Variants in CDH13 observed in about 807,000 individuals in gnomAD.
CDH13 encodes the protein cadherin 13.
In CDH13, 24 loss-of-function variants were observed where a neutral mutation model predicts 63.8. The ratio of observed to expected loss-of-function variants is 0.38; its 90% confidence interval spans 0.27 to 0.53. CDH13 has a LOEUF of 0.53. CDH13 is among the 20% of genes least tolerant of loss of function. The pLI is 0.85. For synonymous variants in CDH13, 503 were observed against 355.3 expected (o/e 1.42, Z -4.67); for missense variants, 1,049 against 903.1 (o/e 1.16, Z -2.07).
chr16:83,165,083 GAAA>G (rs397774378), intron 4 of CDH13, among the ~76,000 whole-genome samples: 2 of 127,430 alleles, frequency 1.6e-5, no homozygotes, highest in Non-Finnish European at 1.7e-5. Context: ...AGAAGCAGGA[GAAA>G]AAAAAAAAAA....
chr16:83,544,532 G>A lies in CDH13; in HGVS notation c.960+57877G>A, dbSNP rs181973129. On this transcript the variant is annotated intron_variant, in intron 7 of 13. Coordinates refer to ENST00000567109, the MANE Select transcript of CDH13 (RefSeq NM_001257.5). ...GTACAGTATTCAATAAATTACATGA[G>A]ATGTTTAACACTTCGTTATAAAATA... Among the ~76,000 whole-genome samples, 261 of 152,254 alleles carry A rather than the reference G, an allele frequency of 1.7e-3. 1 individual carries two copies. Among genetic ancestry groups the A allele is most frequent in the African/African-American group, 6.0e-3 (248 of 41,546 alleles).
chr16:83,495,897 C>T (rs1372825202), intron 7 of CDH13, among the ~76,000 whole-genome samples: 1 of 152,056 alleles, frequency 6.6e-6, no homozygotes, highest in East Asian at 1.9e-4. Context: ...CATGAGTGAA[C>T]TCCCATTCAC....
chr16:83,018,448 A>G (rs1269224409), intron 2 of CDH13, among the ~76,000 whole-genome samples: 1 of 152,194 alleles, frequency 6.6e-6, no homozygotes, highest in Non-Finnish European at 1.5e-5. Context: ...AGAATTTCCC[A>G]GTTGTAAGAG....
chr16:83,523,379 GC>G (rs1163399006), intron 7 of CDH13, among the ~76,000 whole-genome samples: 2 of 152,186 alleles, frequency 1.3e-5, no homozygotes, highest in Non-Finnish European at 2.9e-5. Context: ...TGATGACCTA[GC>G]CCATGCTCTT....
chr16:82,676,699 C>T (rs1297553912), intron 1 of CDH13, among the ~76,000 whole-genome samples: 3 of 151,982 alleles, frequency 2.0e-5, no homozygotes, highest in East Asian at 1.9e-4. Context: ...TAAAACAAAA[C>T]CTCGGACATG....
intron 3 of CDH13, among the ~76,000 whole-genome samples, chr16:83,121,460 C>G (rs914147032): frequency 2.0e-5 from 3 of 152,164 alleles, no homozygotes; most frequent in African/African-American, 7.2e-5. Flanking sequence ...GGGGCTCATG[C>G]CAAGTGCCCA....
intron 1 of CDH13, among the ~76,000 whole-genome samples, chr16:82,669,774 T>C (rs1913020737): frequency 6.6e-6 from 1 of 152,168 alleles, no homozygotes; most frequent in Admixed American, 6.5e-5. Flanking sequence ...GTTATCACCC[T>C]CTCCAGTGAG....
At chr16:83,140,522 T>C (rs1249247339) in intron 4 of CDH13, among the ~76,000 whole-genome samples, 4 of 152,152 alleles carry the variant, frequency 2.6e-5, no homozygotes, top group Non-Finnish European at 5.9e-5. Flanking sequence ...GGTGTGATCT[T>C]GGCTCACTAC....
intron 8 of CDH13, among the ~76,000 whole-genome samples, chr16:83,617,929 A>G (rs543608110): frequency 3.9e-5 from 6 of 152,314 alleles, no homozygotes; most frequent in African/African-American, 1.4e-4. Flanking sequence ...CTGGTGTGCT[A>G]TATAATTATT....
chr16:82,892,241 G>C (rs990451760), intron 2 of CDH13, among the ~76,000 whole-genome samples: 1 of 152,198 alleles, frequency 6.6e-6, no homozygotes, highest in Non-Finnish European at 1.5e-5. Flanking sequence ...CGCTTAGGAT[G>C]GTGGTGGACG....
At chr16:83,379,938 T>TATATATATATATATATATAGAG in intron 6 of CDH13, among the ~76,000 whole-genome samples, 3 of 123,460 alleles carry the variant, frequency 2.4e-5, no homozygotes, top group Non-Finnish European at 4.9e-5. Flanking sequence ...TATATATATA[T>TATATATATATATATATATAGAG]AGAGAGAGAG....
chr16:82,663,483 C>T (rs1912215646), intron 1 of CDH13, among the ~76,000 whole-genome samples: 1 of 152,014 alleles, frequency 6.6e-6, no homozygotes, highest in Non-Finnish European at 1.5e-5. Context: ...CCATGCCCAG[C>T]CACCGCCACT....
chr16:82,719,481 T>G (rs908298743), intron 1 of CDH13: 12 of 455,406 alleles, frequency 2.6e-5, no homozygotes, highest in Non-Finnish European at 5.3e-5. Flanking sequence ...ACTTCGTAAG[T>G]TACATGAGAT....
intron 3 of CDH13, among the ~76,000 whole-genome samples, chr16:83,111,002 C>CAAAAAA (rs398030036): frequency 0.012 from 1,240 of 106,182 alleles, 29 homozygotes; most frequent in African/African-American, 0.033. Flanking sequence ...TAGGTTGTTG[C>CAAAAAA]AAAAAAAAAA....
rs67228844 is a variant in CDH13, at chr16:83,087,671, C to CAAAAA, written c.367-37692_367-37688dup. On this transcript the variant is annotated intron_variant, in intron 3 of 13. Coordinates refer to ENST00000567109, the MANE Select transcript of CDH13 (RefSeq NM_001257.5). ...CGACGAAGCAAGACTCCCTCCGTCT[C>CAAAAA]AAAAAAAAAAAAAAAAAAAAAAAAA... Among the ~76,000 whole-genome samples, 23 of 43,996 alleles carry CAAAAA rather than the reference C, an allele frequency of 5.2e-4. 3 individuals carry two copies. Among genetic ancestry groups the CAAAAA allele is most frequent in the Non-Finnish European group, 6.6e-4 (17 of 25,846 alleles). 28.9% of individuals were successfully genotyped at this position (43,996 alleles called of 152,430 possible). A position where few individuals can be genotyped will look rare whatever the true frequency, so the allele number is the denominator to read the frequency against.
chr16:83,027,277 C>G (rs1319070609), intron 2 of CDH13, among the ~76,000 whole-genome samples: 1 of 152,138 alleles, frequency 6.6e-6, no homozygotes, highest in Non-Finnish European at 1.5e-5. Context: ...AATTTCTGCT[C>G]TTGGTTCTGG....
intron 4 of CDH13, among the ~76,000 whole-genome samples, chr16:83,174,603 G>C (rs2038051817): frequency 6.6e-6 from 1 of 151,718 alleles, no homozygotes; most frequent in Non-Finnish European, 1.5e-5. Context: ...AGCCACCTGT[G>C]GTTACTTAAA....
intron 5 of CDH13, among the ~76,000 whole-genome samples, chr16:83,304,380 T>C (rs1402802587): frequency 6.6e-6 from 1 of 152,062 alleles, no homozygotes; most frequent in African/African-American, 2.4e-5. Flanking sequence ...AATGGGACCA[T>C]ATAGCTGGTT....
At chr16:82,998,420 G>GT (rs1472127380) in intron 2 of CDH13, among the ~76,000 whole-genome samples, 3 of 152,052 alleles carry the variant, frequency 2.0e-5, no homozygotes, top group Non-Finnish European at 4.4e-5. Context: ...GTTTTGTCCT[G>GT]TTTTTTTATA....
Sources: gnomAD v4.1 joint callset for allele counts (sites outside exome capture counted in the v4.1 genomes callset) on GRCh38, gnomAD v4.1.1 for gene constraint, MANE v1.5 for transcripts, NCBI Gene and HGNC (gene_info 2026-07-23, HGNC 2026-07-21) for gene names.